NPSR1: variants seen among roughly 807,000 people sequenced by gnomAD.
NPSR1 encodes the protein neuropeptide S receptor.
A neutral mutation model predicts 46.9 loss-of-function variants in NPSR1; 48 were observed. That is an observed-to-expected ratio of 1.02 (90% CI 0.81 to 1.30). The LOEUF is 1.30. Ranked by LOEUF, NPSR1 falls within the 50% of genes most tolerant of loss-of-function variation. The pLI is 0.00. For synonymous variants in NPSR1, 176 were observed against 168.1 expected (o/e 1.05, Z -0.36); for missense variants, 450 against 449.5 (o/e 1.00, Z -0.01).
chr7:34,807,370 T>G (rs1788752290), intron 3 of NPSR1, among the ~76,000 whole-genome samples: 1 of 152,156 alleles, frequency 6.6e-6, no homozygotes, highest in Admixed American at 6.5e-5. Context: ...TATATTTTTG[T>G]TTATTCTTCT....
chr7:34,826,393 G>C (rs780779581), intron 4 of NPSR1, among the ~76,000 whole-genome samples: 4 of 151,962 alleles, frequency 2.6e-5, no homozygotes, highest in Non-Finnish European at 5.9e-5. Flanking sequence ...CTTGTAGCTC[G>C]ACCACAGTCA....
intron 1 of NPSR1, among the ~76,000 whole-genome samples, chr7:34,677,904 A>G (rs1015542141): frequency 2.6e-5 from 4 of 152,228 alleles, no homozygotes; most frequent in South Asian, 2.1e-4. Flanking sequence ...GGGCGAGGCC[A>G]TGGATGGTGC....
chr7:34,673,527 G>C (rs1334181718), intron 1 of NPSR1, among the ~76,000 whole-genome samples: 7 of 152,056 alleles, frequency 4.6e-5, no homozygotes, highest in Admixed American at 4.6e-4. Context: ...CAACTACTTG[G>C]AACAATCGTG....
downstream of NPSR1, among the ~76,000 whole-genome samples, chr7:34,850,848 C>T (rs1339174783): frequency 6.6e-6 from 1 of 152,162 alleles, no homozygotes. Flanking sequence ...GCGGCTTTTC[C>T]AGGCTTAATG....
At chr7:34,691,510 G>T (rs1037439705) in intron 2 of NPSR1, among the ~76,000 whole-genome samples, 6 of 151,966 alleles carry the variant, frequency 3.9e-5, no homozygotes, top group African/African-American at 1.2e-4. Flanking sequence ...AAAGTAAAGG[G>T]GTGGGAAAAT....
rs778384516 is a variant in NPSR1, at chr7:34,658,438, G to C, written c.26G>C (p.Ser9Thr). 28 of 1,614,162 alleles carry C rather than the reference G, an allele frequency of 1.7e-5. No homozygotes were observed. Among genetic ancestry groups the C allele is most frequent in the Non-Finnish European group, 1.5e-5 (18 of 1,180,020 alleles). The change falls in exon 1 of 9, where the codon AGC (serine) becomes ACC (threonine). Residue 9 changes from serine (S) to threonine (T), a missense_variant. Physicochemically the swap from Ser to Thr is moderately conservative, Grantham distance 58 (BLOSUM62 1). Coordinates refer to ENST00000360581, the MANE Select transcript of NPSR1 (RefSeq NM_207172.2). ...ATGCCAGCCAACTTCACAGAGGGCA[G>C]CTTCGATTCCAGTGGGACCGGGCAG... MPANFTEG[S>T]FDSSGTGQTL...
chr7:34,848,616 C>G lies in NPSR1; in HGVS notation c.978C>G (p.Asn326Lys), dbSNP rs139125527. 2 of 1,614,168 alleles carry G rather than the reference C, an allele frequency of 1.2e-6. No individual in the cohort carries two copies. The highest frequency in any genetic ancestry group is 8.5e-7 in the Non-Finnish European group (1 of 1,180,032). The change falls in exon 8 of 9, where the codon AAC becomes AAG. Residue 326 changes from asparagine (N) to lysine (K), a missense_variant. Coordinates refer to ENST00000360581, the MANE Select transcript of NPSR1 (RefSeq NM_207172.2). Reference sequence around the variant, plus strand: ...TGCCAGCATTGAATAGTGCCATCAACCCCCTCATCTACTGTGTCTTCAGCA... The same window carrying G: ...TGCCAGCATTGAATAGTGCCATCAAGCCCCTCATCTACTGTGTCTTCAGCA... ...QNLPALNSAI[N>K]PLIYCVFSSS...
In NPSR1 at chr7:34,844,896, A is replaced by G. The variant is rs907276853; in HGVS notation, c.758A>G (p.Asp253Gly). ...TACTATTCCCCTCTTGTATCTACAG[A>G]TGGGAAACTGTGCAGCAGCTATAAC... ...TYETVISNCS[D>G]GKLCSSYNRG... Residue 253 changes from aspartate (D) to glycine (G), a missense_variant and splice_region_variant, in exon 7 of 9, where the codon GAT (aspartate) becomes GGT (glycine). By Grantham distance (94) the Asp-to-Gly change is moderately conservative. Transcript: ENST00000360581. 5 of 1,596,948 alleles carry G rather than the reference A, an allele frequency of 3.1e-6. No homozygotes were observed. The highest frequency in any genetic ancestry group is 1.3e-5 in the African/African-American group (1 of 74,568).
At chr7:34,857,687 A>T (rs1326798455) in intron 8 of NPSR1, among the ~76,000 whole-genome samples, 2 of 151,716 alleles carry the variant, frequency 1.3e-5, no homozygotes, top group Non-Finnish European at 2.9e-5. Context: ...CATGAAGGAA[A>T]ATATTGATAC....
intron 1 of NPSR1, among the ~76,000 whole-genome samples, chr7:34,660,659 C>T (rs1791410103): frequency 6.6e-6 from 1 of 152,188 alleles, no homozygotes; most frequent in Non-Finnish European, 1.5e-5. Flanking sequence ...TTACTTTGGG[C>T]ATTCTTGGTG....
chr7:34,750,403 G>A, intron 2 of NPSR1: 1 of 745,044 alleles, frequency 1.3e-6, no homozygotes. Context: ...GCTGCTGGGT[G>A]TTCGGATGCC....
chr7:34,749,926 C>T (rs959412001), intron 2 of NPSR1, among the ~76,000 whole-genome samples: 3 of 151,986 alleles, frequency 2.0e-5, no homozygotes, highest in South Asian at 2.1e-4. Flanking sequence ...CAAATAGGGT[C>T]GGGCTGCTGT....
chr7:34,792,703 A>ATATATATATATGTATATATATATG (rs1787975998), intron 3 of NPSR1, among the ~76,000 whole-genome samples: 40 of 88,530 alleles, frequency 4.5e-4, no homozygotes, highest in African/African-American at 1.4e-3. Context: ...ATATATACGT[A>ATATATATATATGTATATATATATG]TATATATATA....
At chr7:34,682,915 G>T (rs1583799201) in intron 1 of NPSR1, among the ~76,000 whole-genome samples, 2 of 152,230 alleles carry the variant, frequency 1.3e-5, no homozygotes, top group African/African-American at 4.8e-5. Flanking sequence ...AGTGACATAT[G>T]TATGCTGGAC....
At chr7:34,812,171 C>G (rs34052081) in intron 4 of NPSR1, among the ~76,000 whole-genome samples, 54 of 152,286 alleles carry the variant, frequency 3.5e-4, no homozygotes, top group African/African-American at 1.3e-3. Context: ...ATGCTTCCAT[C>G]TTTTTCCTCT....
At chr7:34,808,884 T>G (rs989177722) in intron 3 of NPSR1, among the ~76,000 whole-genome samples, 10 of 152,208 alleles carry the variant, frequency 6.6e-5, no homozygotes, top group Admixed American at 5.2e-4. Flanking sequence ...TTTTTTACCC[T>G]GCCTTAAATG....
intron 2 of NPSR1, among the ~76,000 whole-genome samples, chr7:34,733,916 G>T (rs10241616): frequency 0.13 from 19,466 of 152,198 alleles, 1,490 homozygotes; most frequent in Non-Finnish European, 0.17. Context: ...GGAGGGGGAA[G>T]GGACAGAGAT....
intron 8 of NPSR1, among the ~76,000 whole-genome samples, chr7:34,859,556 CTA>C (rs1189724766): frequency 6.6e-6 from 1 of 151,630 alleles, no homozygotes. Flanking sequence ...CTCCAAAGAA[CTA>C]ATCACCAAAG....
intron 8 of NPSR1, 42 bp from the exon 9 acceptor site, chr7:34,849,523 G>A (rs778862354): frequency 6.2e-7 from 1 of 1,611,698 alleles, no homozygotes; most frequent in South Asian, 1.1e-5. Flanking sequence ...TTTTCATTAG[G>A]TCAAATTATT....
Sources: gnomAD v4.1 joint callset for allele counts (sites outside exome capture counted in the v4.1 genomes callset) on GRCh38, gnomAD v4.1.1 for gene constraint, MANE v1.5 for transcripts, NCBI Gene and HGNC (gene_info 2026-07-23, HGNC 2026-07-21) for gene names.